Variants in EMILIN1 observed in about 807,000 individuals in gnomAD.
The protein encoded by EMILIN1 is elastin microfibril interfacer 1, also known as EMILIN-1.
Under a neutral mutation model 82.4 loss-of-function variants are expected in EMILIN1, and 49 were observed. That is an observed-to-expected ratio of 0.59 (90% confidence interval 0.47 to 0.75). The LOEUF is 0.75. Ranked by LOEUF, EMILIN1 falls within the 30% of genes least tolerant of loss-of-function variation. EMILIN1 has a pLI of 0.00. For synonymous variants in EMILIN1, 604 were observed against 602.2 expected (o/e 1.00, Z -0.04); for missense variants, 1,313 against 1,366.4 (o/e 0.96, Z 0.62).
At chr2:27,084,173 G>A in intron 4 of EMILIN1, 162 bp downstream of exon 4, 1 of 904,366 alleles carries the variant, frequency 1.1e-6, no homozygotes, top group South Asian at 2.0e-5. Context: ...TGCAAGAGAT[G>A]ATGCAAGGTC....
At chr2:27,081,209 A>G (rs1185579111) in intron 3 of EMILIN1, among the ~76,000 whole-genome samples, 1 of 151,638 alleles carries the variant, frequency 6.6e-6, no homozygotes, top group Non-Finnish European at 1.5e-5. Context: ...GACTGAGAAA[A>G]AGAAGGCCAA....
At chr2:27,082,010 T>G in intron 3 of EMILIN1, 73 bp from the exon 4 acceptor site, 1 of 1,463,590 alleles carries the variant, frequency 6.8e-7, no homozygotes, top group East Asian at 2.5e-5. Context: ...TGACCCTTGC[T>G]GGAGCTGGGG....
intron 7 of EMILIN1, 139 bp downstream of exon 7, chr2:27,085,436 T>G (rs1669590083): frequency 8.8e-7 from 1 of 1,130,512 alleles, no homozygotes; most frequent in Admixed American, 2.2e-5. Flanking sequence ...CTTCATTTAT[T>G]CATTCTCAGG....
rs1283325710 is a variant in EMILIN1, at chr2:27,082,735, A to G, written c.1164A>G (p.Gly388=). 6.5e-7 allele frequency: 1 copy of G among 1,545,034 alleles called. No individual in the cohort carries two copies. Among genetic ancestry groups the G allele is most frequent in the Non-Finnish European group, 8.7e-7 (1 of 1,150,776 alleles). The change falls in exon 4 of 8, where the codon GGA becomes GGG. Residue 388 remains glycine, a synonymous_variant. Coordinates refer to ENST00000380320, the MANE Select transcript of EMILIN1 (RefSeq NM_007046.4). ...VLSGRRGTEL[G]GAAGQGGHPP... ...GTGGGCGGCGAGGCACAGAGCTGGG[A>G]GGAGCCGCGGGGCAGGGAGGCCACC...
At position 27,083,462 on chromosome 2, in the gene EMILIN1, G is replaced by A. The variant is rs1669524062; in HGVS notation, c.1891G>A (p.Val631Met). Residue 631 changes from valine (V) to methionine (M), a missense_variant, in exon 4 of 8, where the codon GTG becomes ATG. Physicochemically the swap from Val to Met is conservative, Grantham distance 21. Transcript: ENST00000380320. ...PSRGPLDGFS[V>M]FGGSSGSALQ... ...CCGTGGGCCCCTGGACGGCTTCAGC[G>A]TGTTTGGGGGCAGCTCAGGCTCAGC... is the stretch of plus-strand genomic sequence containing the variant. 8 of 1,613,050 alleles carry A rather than the reference G, an allele frequency of 5.0e-6. No homozygotes were observed. Among genetic ancestry groups the A allele is most frequent in the African/African-American group, 4.0e-5 (3 of 74,908 alleles).
In EMILIN1 at chr2:27,081,395, C is replaced by A. The variant is rs917769530; in HGVS notation, c.511+443C>A. 3.9e-5 allele frequency among the ~76,000 whole-genome samples: 6 copies of A among 152,220 alleles called. No homozygotes were observed. The East Asian group carries it at 1.2e-3, about 29-fold the overall frequency. The stretch of plus-strand genomic sequence containing the variant: ...AGACCCCTCCGTGGCCTCTGGAGAC[C>A]GCAGGTCCCAGCATGCAGCAGTTCC... On this transcript the variant is annotated intron_variant, in intron 3 of 7. Coordinates refer to ENST00000380320, the MANE Select transcript of EMILIN1 (RefSeq NM_007046.4).
chr2:27,082,871 G>A lies in EMILIN1; in HGVS notation c.1300G>A (p.Gly434Arg). Residue 434 changes from glycine to arginine, a missense_variant, in exon 4 of 8, where the codon GGG (glycine) becomes AGG (arginine). Transcript: ENST00000380320. ...QEESWPGAPG[G>R]LSHWLPAARG... ...GGAGAGCTGGCCTGGGGCTCCTGGG[G>A]GGCTGAGCCACTGGCTGCCTGCTGC... is the stretch of plus-strand genomic sequence containing the variant. 6.3e-7 allele frequency: 1 copy of A among 1,591,468 alleles called. No homozygotes were observed.
At chr2:27,085,346 G>A in intron 7 of EMILIN1, 49 bp downstream of exon 7, 4 of 1,604,938 alleles carry the variant, frequency 2.5e-6, no homozygotes, top group East Asian at 2.2e-5. Context: ...TGGGTGAGGT[G>A]TGCAGTGATA....
In EMILIN1 at chr2:27,085,179, AGCCCCTGT is replaced by A; in HGVS notation, c.2601_2608del (p.Val868SerfsTer13). ...ACTCAGGAGTGGAGGGGGCACCAGC[AGCCCCTGT>A]GCCCCAAGTGGCATTTTCAGCTGCT... On this transcript the variant is annotated frameshift_variant, in exon 7 of 8. Coordinates refer to ENST00000380320, the MANE Select transcript of EMILIN1 (RefSeq NM_007046.4). LOFTEE classifies it high-confidence loss of function. 6.2e-7 allele frequency: 1 copy of A among 1,614,192 alleles called. No individual in the cohort carries two copies. The highest frequency in any genetic ancestry group is 8.5e-7 in the Non-Finnish European group (1 of 1,180,018).
At chr2:27,081,251 G>A (rs1260363923) in intron 3 of EMILIN1, among the ~76,000 whole-genome samples, 8 of 152,088 alleles carry the variant, frequency 5.3e-5, no homozygotes, top group Non-Finnish European at 8.8e-5. Context: ...CGCCCCATGT[G>A]GCCAAGATCC....
chr2:27,080,755 G>A lies in EMILIN1; in HGVS notation c.314G>A (p.Arg105His), dbSNP rs765499541. The change falls in exon 3 of 8, where the codon CGC (arginine) becomes CAC (histidine). Residue 105 changes from arginine (R) to histidine (H), a missense_variant. Physicochemically the swap from Arg to His is conservative, Grantham distance 29. Transcript: ENST00000380320. The stretch of plus-strand genomic sequence containing the variant: ...AGGTACCGCCGCTTCCTCCGCCCTC[G>A]CTACCGTGTGGCCTACAAGACAGTG... Reference protein sequence around the residue: ...SIMYRRFLRPRYRVAYKTVTD... With the variant: ...SIMYRRFLRPHYRVAYKTVTD... 1.9e-5 allele frequency: 31 copies of A among 1,613,420 alleles called. No homozygotes were observed. Among genetic ancestry groups the A allele is most frequent in the Non-Finnish European group, 1.2e-5 (14 of 1,179,862 alleles).
At chr2:27,079,687 C>G (rs532969762) in intron 1 of EMILIN1, among the ~76,000 whole-genome samples, 1 of 152,310 alleles carries the variant, frequency 6.6e-6, no homozygotes, top group Admixed American at 6.5e-5. Flanking sequence ...CTGCAATCCC[C>G]AAGAGGGGCA....
At position 27,085,196 on chromosome 2, in the gene EMILIN1, T is replaced by A. The variant is rs1194371654; in HGVS notation, c.2612T>A (p.Val871Glu). The A allele has an allele frequency of 6.2e-7, 1 of 1,614,196 alleles. No individual in the cohort carries two copies. The highest frequency in any genetic ancestry group is 8.5e-7 in the Non-Finnish European group (1 of 1,180,048). Residue 871 changes from valine to glutamate, a missense_variant, in exon 7 of 8, where the codon GTG (valine) becomes GAG (glutamate). Transcript: ENST00000380320. ...GCACCAGCAGCCCCTGTGCCCCAAG[T>A]GGCATTTTCAGCTGCTCTGAGTTTG... Reference protein sequence around the residue: ...EGAPAAPVPQVAFSAALSLPR... With the variant: ...EGAPAAPVPQEAFSAALSLPR...
chr2:27,082,254 C>T lies in EMILIN1; in HGVS notation c.683C>T (p.Ala228Val). 1 of 1,613,250 alleles carries T rather than the reference C, an allele frequency of 6.2e-7. No homozygotes were observed. Among genetic ancestry groups the T allele is most frequent in the South Asian group, 1.1e-5 (1 of 91,088 alleles). ...GGGAGGCAGCAGCCAGCTGACGCGG[C>T]TGCCCGCCCTGGGGTGCATGAAACC... Reference protein sequence around the residue: ...FNGRQQPADAAARPGVHETLN... With the variant: ...FNGRQQPADAVARPGVHETLN... Residue 228 changes from alanine to valine, a missense_variant, in exon 4 of 8, where the codon GCT (alanine) becomes GTT (valine). Physicochemically the swap from Ala to Val is moderately conservative, Grantham distance 64 (BLOSUM62 0). Transcript: ENST00000380320.
Position 27,079,044 on chromosome 2 carries a change from G to A in EMILIN1, c.-22G>A. ...TGGCTGGGCGGGATGAGTCTCTGAG[G>A]GCCACTGTGGAGCGCCCCGCCATGG... On this transcript the variant is annotated 5_prime_UTR_variant, in exon 1 of 8. Coordinates refer to ENST00000380320, the MANE Select transcript of EMILIN1 (RefSeq NM_007046.4). The A allele has an allele frequency of 1.3e-6, 2 of 1,522,734 alleles. No individual in the cohort carries two copies. Among genetic ancestry groups the A allele is most frequent in the Non-Finnish European group, 8.8e-7 (1 of 1,139,906 alleles). The allele number at this position is 1,522,734 out of a possible 1,614,324, so 94.3% of individuals were successfully genotyped here.
intron 4 of EMILIN1, 71 bp from the exon 5 acceptor site, chr2:27,084,344 C>T: frequency 2.2e-6 from 2 of 915,506 alleles, no homozygotes; most frequent in African/African-American, 3.3e-5. Flanking sequence ...TTCATGAAGC[C>T]ACCACCCACC....
In EMILIN1 at chr2:27,082,350, A is replaced by T. The variant is rs150056303; in HGVS notation, c.779A>T (p.His260Leu). The T allele has an allele frequency of 6.2e-6, 10 of 1,612,316 alleles. No homozygotes were observed. The African/African-American group carries it at 1.3e-4, about 22-fold the overall frequency. ...RVSTHDQELG[H>L]LNNHHGGSSS... is the part of the protein sequence containing the mutation. ...TCCACCCACGACCAGGAGCTGGGTC[A>T]CCTCAACAACCATCATGGCGGCAGC... Residue 260 changes from histidine (H) to leucine (L), a missense_variant, in exon 4 of 8, where the codon CAC becomes CTC. Coordinates refer to ENST00000380320, the MANE Select transcript of EMILIN1 (RefSeq NM_007046.4).
chr2:27,080,979 G>A (rs1394446822), intron 3 of EMILIN1, 27 bp downstream of exon 3: 1 of 1,499,506 alleles, frequency 6.7e-7, no homozygotes, highest in Non-Finnish European at 9.0e-7. Flanking sequence ...CTGCGAGGGT[G>A]GCAAGTTCCA....
At chr2:27,079,734 C>T (rs1216208742) in intron 1 of EMILIN1, among the ~76,000 whole-genome samples, 1 of 152,234 alleles carries the variant, frequency 6.6e-6, no homozygotes, top group Non-Finnish European at 1.5e-5. Flanking sequence ...TAACCCCAAG[C>T]TGGCCTGCCC....
Sources: gnomAD v4.1 joint callset for allele counts (sites outside exome capture counted in the v4.1 genomes callset) on GRCh38, gnomAD v4.1.1 for gene constraint, MANE v1.5 for transcripts, NCBI Gene and HGNC (gene_info 2026-07-23, HGNC 2026-07-21) for gene names.